The following PCDHGA12 variants were observed in gnomAD, a reference collection of about 807,000 sequenced individuals.
The protein encoded by PCDHGA12 is protocadherin gamma-A12.
In PCDHGA12, 43 loss-of-function variants were observed where a neutral mutation model predicts 61.1. The ratio of observed to expected loss-of-function variants is 0.70; its 90% CI spans 0.55 to 0.91. The LOEUF (loss-of-function observed/expected upper bound fraction) is 0.91, where lower values mean the gene tolerates loss of function less well. PCDHGA12 is among the 40% of genes least tolerant of loss of function. The pLI is 0.00. For synonymous variants in PCDHGA12, 520 were observed against 542.9 expected (o/e 0.96, Z 0.59); for missense variants, 1,236 against 1,227.7 (o/e 1.01, Z -0.10).
At chr5:141,442,629 A>G (rs959326665) in intron 1 of PCDHGA12, among the ~76,000 whole-genome samples, 2 of 152,248 alleles carry the variant, frequency 1.3e-5, no homozygotes, top group African/African-American at 4.8e-5. Context: ...TTCTAGCAGC[A>G]AGACCAAAGG....
Position 141,431,473 on chromosome 5 carries a change from C to A in PCDHGA12, c.714C>A (p.Asn238Lys), listed in dbSNP as rs750300971. 16 of 1,613,714 alleles carry A rather than the reference C, an allele frequency of 9.9e-6. 1 individual carries two copies. The highest frequency in any genetic ancestry group is 9.3e-5 in the African/African-American group (7 of 74,948). The change falls in exon 1 of 4, where the codon AAC becomes AAA. Residue 238 changes from asparagine to lysine, a missense_variant. Transcript: ENST00000252085. This position sits in a 1 kb window ranked among gnomAD's most constrained non-coding sequence, Gnocchi z 4.8. Reference protein sequence around the residue: ...IRVMVLDANDNAPAFAQPEYR... With the variant: ...IRVMVLDANDKAPAFAQPEYR... Reference sequence around the variant, plus strand: ...TGATGGTTCTGGATGCGAACGACAACGCACCAGCGTTTGCTCAGCCCGAGT... The same window carrying A: ...TGATGGTTCTGGATGCGAACGACAAAGCACCAGCGTTTGCTCAGCCCGAGT...
chr5:141,494,237 G>A (rs555725765), intron 1 of PCDHGA12, among the ~76,000 whole-genome samples: 3 of 152,312 alleles, frequency 2.0e-5, no homozygotes, highest in East Asian at 3.9e-4. Flanking sequence ...AATTAATAAT[G>A]TATTTAGCTG....
rs934044974 is a variant in PCDHGA12, at chr5:141,476,034, C to T, written c.2425-18773C>T. 3 of 1,464,488 alleles carry T rather than the reference C, an allele frequency of 2.0e-6. No individual in the cohort carries two copies. The highest frequency in any genetic ancestry group is 2.3e-5 in the Admixed American group (1 of 44,364). The allele number at this position is 1,464,488 out of a possible 1,614,324, so 90.7% of individuals were successfully genotyped here. A position where few individuals can be genotyped will look rare whatever the true frequency, so the allele number is the denominator to read the frequency against. On this transcript the variant is annotated intron_variant, in intron 1 of 3. Transcript: ENST00000252085. The surrounding 1 kb of genome is among the most constrained non-coding windows in gnomAD (Gnocchi z 7.6). ...CCATGTCGGACTCGGCGCCCAGCGC[C>T]CAAGCGCTAACCCGCTGAAAGTTTC...
rs778372966 is a variant in PCDHGA12, at chr5:141,477,105, A to G, written c.2425-17702A>G. The G allele has an allele frequency of 7.4e-6, 12 of 1,614,106 alleles. No individual in the cohort carries two copies. The highest frequency in any genetic ancestry group is 4.0e-5 in the African/African-American group (3 of 74,934). On this transcript the variant is annotated intron_variant, in intron 1 of 3. Transcript: ENST00000252085. This position sits in a 1 kb window ranked among gnomAD's most constrained non-coding sequence, Gnocchi z 4.9. ...ATCCAGGCCAAAGACAAGGGCGCCA[A>G]TCCCGAAGGAGCACATTGCAAAGTG...
chr5:141,487,936 G>C lies in PCDHGA12; in HGVS notation c.2425-6871G>C. On this transcript the variant is annotated intron_variant, in intron 1 of 3. Coordinates refer to ENST00000252085, the MANE Select transcript of PCDHGA12 (RefSeq NM_003735.3). This position sits in a 1 kb window ranked among gnomAD's most constrained non-coding sequence, Gnocchi z 5.0. The stretch of plus-strand genomic sequence containing the variant: ...AGGAGGCTACAGTGCACAGGGTACA[G>C]TGCACCAGGCAGTCACTTGGACAAA... 4.9e-6 allele frequency: 3 copies of C among 607,906 alleles called. No homozygotes were observed. The highest frequency in any genetic ancestry group is 3.7e-5 in the African/African-American group (2 of 54,158). 37.7% of individuals were successfully genotyped at this position (607,906 alleles called of 1,614,324 possible). A position where few individuals can be genotyped will look rare whatever the true frequency, so the allele number is the denominator to read the frequency against.
At position 141,487,550 on chromosome 5, in the gene PCDHGA12, G is replaced by A. The variant is rs762537798; in HGVS notation, c.2425-7257G>A. 1 of 1,614,160 alleles carries A rather than the reference G, an allele frequency of 6.2e-7. No individual in the cohort carries two copies. The highest frequency in any genetic ancestry group is 1.1e-5 in the South Asian group (1 of 91,082). ...CTTCATGATGGTGAAGTCACCCAGT[G>A]CACCTATGGCAGGGGAGCCTGTTCG... On this transcript the variant is annotated intron_variant, in intron 1 of 3. Transcript: ENST00000252085. The surrounding 1 kb of genome is among the most constrained non-coding windows in gnomAD (Gnocchi z 5.0).
At chr5:141,448,667 G>A (rs1262994760) in intron 1 of PCDHGA12, among the ~76,000 whole-genome samples, 6 of 151,990 alleles carry the variant, frequency 3.9e-5, no homozygotes, top group African/African-American at 9.7e-5. Flanking sequence ...TTGGCCGGGC[G>A]CGGTGGCTCA....
chr5:141,493,962 T>C lies in PCDHGA12; in HGVS notation c.2425-845T>C, dbSNP rs550317675. 6.6e-6 allele frequency among the ~76,000 whole-genome samples: 1 copy of C among 152,320 alleles called. No homozygotes were observed. Among genetic ancestry groups the C allele is most frequent in the African/African-American group, 2.4e-5 (1 of 41,578 alleles). ...AGAAGGGACTCAGGAATGAAGTGGC[T>C]GGCCAGAGCCCCACACCTTCAGCTA... is the stretch of plus-strand genomic sequence containing the variant. On this transcript the variant is annotated intron_variant, in intron 1 of 3. Coordinates refer to ENST00000252085, the MANE Select transcript of PCDHGA12 (RefSeq NM_003735.3). This position sits in a 1 kb window ranked among gnomAD's most constrained non-coding sequence, Gnocchi z 4.3.
intron 1 of PCDHGA12, among the ~76,000 whole-genome samples, chr5:141,434,340 G>A (rs2097687601): frequency 6.6e-6 from 1 of 152,150 alleles, no homozygotes; most frequent in Non-Finnish European, 1.5e-5. Context: ...TTTGTGTCGG[G>A]AACAGGCCCC....
rs749499883 is a variant in PCDHGA12 at position 141,486,382 on chromosome 5, C to T, written c.2425-8425C>T. ...TTGCCCTCAAGTCTGCCTTCAGGAA[C>T]CAGTTCTCCCTGGTGACTGCTGGAC... is the stretch of plus-strand genomic sequence containing the variant. On this transcript the variant is annotated intron_variant, in intron 1 of 3. Transcript: ENST00000252085. The surrounding 1 kb of genome is among the most constrained non-coding windows in gnomAD (Gnocchi z 5.0). 25 of 1,613,986 alleles carry T rather than the reference C, an allele frequency of 1.5e-5. No homozygotes were observed. The highest frequency in any genetic ancestry group is 1.9e-5 in the Non-Finnish European group (23 of 1,179,998).
Position 141,491,687 on chromosome 5 carries a change from G to A in PCDHGA12, c.2425-3120G>A. On this transcript the variant is annotated intron_variant, in intron 1 of 3. Transcript: ENST00000252085. This position sits in a 1 kb window ranked among gnomAD's most constrained non-coding sequence, Gnocchi z 6.9. Reference sequence around the variant, plus strand: ...ATCCGGTCCCGCTCTAATACGCTGCGGGAGCGGAGCCAGGTGAGGGGCTCG... The same window carrying A: ...ATCCGGTCCCGCTCTAATACGCTGCAGGAGCGGAGCCAGGTGAGGGGCTCG... The A allele has an allele frequency of 6.2e-7, 1 of 1,613,072 alleles. No homozygotes were observed. The highest frequency in any genetic ancestry group is 8.5e-7 in the Non-Finnish European group (1 of 1,179,608).
At chr5:141,466,143 C>T (rs2099117622) in intron 1 of PCDHGA12, among the ~76,000 whole-genome samples, 1 of 151,816 alleles carries the variant, frequency 6.6e-6, no homozygotes, top group Admixed American at 6.6e-5. Flanking sequence ...CAAGTGAAAA[C>T]TCTGGTCTTA....
chr5:141,465,782 T>G (rs2099109563), intron 1 of PCDHGA12, among the ~76,000 whole-genome samples: 1 of 152,076 alleles, frequency 6.6e-6, no homozygotes, highest in African/African-American at 2.4e-5. Flanking sequence ...TGTTACAGTT[T>G]TTTTTTTTTT....
In PCDHGA12 at chr5:141,432,265, G is replaced by A. The variant is rs756993242; in HGVS notation, c.1506G>A (p.Ser502=). Residue 502 remains serine (S), a synonymous_variant, in exon 1 of 4, where the codon TCG becomes TCA. Transcript: ENST00000252085. The surrounding 1 kb of genome is among the most constrained non-coding windows in gnomAD (Gnocchi z 6.0). ...ACACCATCCAAGGGGCAAGCCTATCGTCCTACGTGTCCATCAACTCCGACA... is the reference window on the plus strand; with the variant it reads ...ACACCATCCAAGGGGCAAGCCTATCATCCTACGTGTCCATCAACTCCGACA... ...AENTIQGASL[S]SYVSINSDTG... is the part of the protein sequence containing the mutation. 2.5e-6 allele frequency: 4 copies of A among 1,614,092 alleles called. No individual in the cohort carries two copies. The highest frequency in any genetic ancestry group is 1.7e-5 in the Admixed American group (1 of 60,004).
Position 141,489,900 on chromosome 5 carries a change from A to T in PCDHGA12, c.2425-4907A>T. ...TTACTGCTGTGGATGGGGGGACCCC[A>T]GCCCGCTCAGGGACCACCCTTATCT... On this transcript the variant is annotated intron_variant, in intron 1 of 3. Coordinates refer to ENST00000252085, the MANE Select transcript of PCDHGA12 (RefSeq NM_003735.3). This position sits in a 1 kb window ranked among gnomAD's most constrained non-coding sequence, Gnocchi z 4.5. The T allele has an allele frequency of 6.2e-7, 1 of 1,614,254 alleles. No homozygotes were observed. The highest frequency in any genetic ancestry group is 8.5e-7 in the Non-Finnish European group (1 of 1,180,044).
intron 1 of PCDHGA12, among the ~76,000 whole-genome samples, chr5:141,483,638 G>A (rs1159840764): frequency 1.4e-5 from 2 of 147,222 alleles, no homozygotes; most frequent in South Asian, 2.1e-4. Flanking sequence ...AGGTATAGAG[G>A]GGTGTGTGTT....
rs757926227 is a variant in PCDHGA12, at chr5:141,432,889, G to A, written c.2130G>A (p.Leu710=). 1.6e-5 allele frequency: 26 copies of A among 1,614,180 alleles called. No individual in the cohort carries two copies. In the East Asian group the frequency reaches 5.8e-4, roughly 36 times the overall value. The change falls in exon 1 of 4, where the codon TTG becomes TTA. Residue 710 remains leucine (L), a synonymous_variant. Transcript: ENST00000252085. This position sits in a 1 kb window ranked among gnomAD's most constrained non-coding sequence, Gnocchi z 6.0. ...GCGTCTTCCTGGCCTTCGTCATCTT[G>A]CTGCTGGCGCTCAGGCTGCGGCGCT... ...VSCVFLAFVI[L]LLALRLRRWH... is the part of the protein sequence containing the mutation.
chr5:141,487,477 C>A lies in PCDHGA12; in HGVS notation c.2425-7330C>A, dbSNP rs748435479. On this transcript the variant is annotated intron_variant, in intron 1 of 3. Transcript: ENST00000252085. The surrounding 1 kb of genome is among the most constrained non-coding windows in gnomAD (Gnocchi z 5.0). ...TCAAGTTTGTTGATGTGGGAGGCCA[C>A]TCTCATGGCTGTACACCCTTGGCTT... 1 of 1,614,200 alleles carries A rather than the reference C, an allele frequency of 6.2e-7. No individual in the cohort carries two copies. The highest frequency in any genetic ancestry group is 1.7e-5 in the Admixed American group (1 of 60,030).
intron 1 of PCDHGA12, among the ~76,000 whole-genome samples, chr5:141,456,691 G>A (rs564429451): frequency 3.3e-5 from 5 of 152,234 alleles, no homozygotes; most frequent in South Asian, 4.1e-4. Flanking sequence ...CTGGCCAGGC[G>A]TGGTGGCTCG....
Sources: gnomAD v4.1 joint callset for allele counts (sites outside exome capture counted in the v4.1 genomes callset) on GRCh38, gnomAD v4.1.1 for gene constraint, Gnocchi (gnomAD v3.1) non-coding constraint, MANE v1.5 for transcripts, NCBI Gene and HGNC (gene_info 2026-07-23, HGNC 2026-07-21) for gene names.